Variants in SF3B3 observed in about 807,000 individuals in gnomAD.
SF3B3 encodes SAP 130.
Under a neutral mutation model 139.2 loss-of-function variants are expected in SF3B3, and 33 were observed. That is an observed-to-expected ratio of 0.24 (90% CI 0.18 to 0.32). SF3B3 has a LOEUF of 0.32. Among genes scored for constraint, SF3B3 ranks in the 10% least tolerant of loss-of-function variants. SF3B3 has a pLI of 1.00. For missense variants in SF3B3, 818 were observed against 1,509.4 expected (o/e 0.54, Z 7.59); for synonymous variants, 596 against 563.6 (o/e 1.06, Z -0.81).
rs752482167 is a variant in SF3B3, at chr16:70,573,488, G to A, written c.*1675G>A. On this transcript the variant is annotated 3_prime_UTR_variant, in exon 26 of 26. Transcript: ENST00000302516. ...TATGGAATCAGGAGTTGTCACCACCGAGCTTCCTCTGGAAGTCTGCCCATC... is the reference window on the plus strand; with the variant it reads ...TATGGAATCAGGAGTTGTCACCACCAAGCTTCCTCTGGAAGTCTGCCCATC... The A allele has an allele frequency of 1.3e-5, 2 of 152,328 alleles. No individual in the cohort carries two copies. The highest frequency in any genetic ancestry group is 2.1e-4 in the South Asian group (1 of 4,820). The allele number at this position is 152,328 out of a possible 1,614,324, so 9.4% of individuals were successfully genotyped here.
intron 1 of SF3B3, among the ~76,000 whole-genome samples, chr16:70,525,344 T>C (rs1344583122): frequency 6.6e-6 from 1 of 152,184 alleles, no homozygotes; most frequent in East Asian, 1.9e-4. Context: ...ATATAGTTTT[T>C]CTAGTACTGG....
intron 10 of SF3B3, among the ~76,000 whole-genome samples, chr16:70,545,424 T>A (rs1286375711): frequency 6.6e-6 from 1 of 152,172 alleles, no homozygotes; most frequent in Non-Finnish European, 1.5e-5. Context: ...AGATCATAAT[T>A]TATTTAGTGA....
intron 9 of SF3B3, among the ~76,000 whole-genome samples, chr16:70,543,364 C>T (rs1395214837): frequency 1.3e-5 from 2 of 148,838 alleles, no homozygotes; most frequent in African/African-American, 5.0e-5. Flanking sequence ...GAGCTGAGAT[C>T]ACACCATTGT....
intron 20 of SF3B3, 87 bp downstream of exon 20, chr16:70,565,611 G>A: frequency 1.6e-6 from 2 of 1,230,328 alleles, no homozygotes; most frequent in Non-Finnish European, 2.3e-6. Context: ...GTCTTTTGGG[G>A]ACCAGCTCCT....
chr16:70,565,708 G>A, intron 20 of SF3B3, 184 bp downstream of exon 20: 2 of 597,152 alleles, frequency 3.3e-6, no homozygotes, highest in Non-Finnish European at 5.9e-6. Flanking sequence ...CATTCCACAG[G>A]AAGGCTTTGT....
Position 70,546,602 on chromosome 16 carries a change from G to T in SF3B3, c.1330-1768G>T, listed in dbSNP as rs191854294. ...GGAGGTAGAGGTTGCAGTGAGCCGA[G>T]ATCACGCCACTGTACTCCAGCTTGG... On this transcript the variant is annotated intron_variant, in intron 10 of 25. Coordinates refer to ENST00000302516, the MANE Select transcript of SF3B3 (RefSeq NM_012426.5). Among the ~76,000 whole-genome samples the T allele has an allele frequency of 2.2e-3, 329 of 152,200 alleles. 9 individuals carry two copies. Among genetic ancestry groups the T allele is most frequent in the Admixed American group, 0.021 (314 of 15,278 alleles).
chr16:70,567,250 G>A (rs1413644788), intron 20 of SF3B3, among the ~76,000 whole-genome samples, 161 bp from the exon 21 acceptor site: 1 of 152,168 alleles, frequency 6.6e-6, no homozygotes, highest in African/African-American at 2.4e-5. Flanking sequence ...GCAGCATGCG[G>A]AACTTGTTCA....
At chr16:70,530,470 C>T (rs1022782331) in intron 3 of SF3B3, among the ~76,000 whole-genome samples, 1 of 152,010 alleles carries the variant, frequency 6.6e-6, no homozygotes, top group African/African-American at 2.4e-5. Flanking sequence ...GAGGCATGCA[C>T]CACCACACCT....
chr16:70,531,276 A>C lies in SF3B3; in HGVS notation c.570+359A>C, dbSNP rs200712730. On this transcript the variant is annotated intron_variant, in intron 4 of 25. Transcript: ENST00000302516. ...GAGTGAGACTCCATCTCAAAAAAAA[A>C]CGAAAAGATCGTTTTCTTCCTTGTG... Among the ~76,000 whole-genome samples, 37 of 152,198 alleles carry C rather than the reference A, an allele frequency of 2.4e-4. No individual in the cohort carries two copies. In the East Asian group the frequency reaches 4.1e-3, roughly 17 times the overall value.
Position 70,548,435 on chromosome 16 carries a change from C to T in SF3B3, c.1395C>T (p.His465=), listed in dbSNP as rs1263581306. The change falls in exon 11 of 26, where the codon CAC becomes CAT. Residue 465 remains histidine (H), a synonymous_variant. Transcript: ENST00000302516. ...ACGCTGTCTGGACAGTGCGTCGACACATTGAAGGTAAGCAGCTTTTTCCCA... is the reference window on the plus strand; with the variant it reads ...ACGCTGTCTGGACAGTGCGTCGACATATTGAAGGTAAGCAGCTTTTTCCCA... The part of the protein sequence containing the change: ...NPNAVWTVRR[H]IEDEFDAYII... 1 of 1,613,562 alleles carries T rather than the reference C, an allele frequency of 6.2e-7. No homozygotes were observed. The highest frequency in any genetic ancestry group is 2.2e-5 in the East Asian group (1 of 44,896).
intron 16 of SF3B3, among the ~76,000 whole-genome samples, chr16:70,561,027 G>GTT (rs869157742): frequency 3.4e-5 from 5 of 148,836 alleles, no homozygotes; most frequent in African/African-American, 9.9e-5. Flanking sequence ...GTTTTTTGTT[G>GTT]TTTTTTTTTT....
rs752322530 is a variant in SF3B3 at position 70,561,620 on chromosome 16, T to C, written c.2134-10T>C. On this transcript the variant is annotated splice_polypyrimidine_tract_variant and intron_variant, in intron 16 of 25. Coordinates refer to ENST00000302516, the MANE Select transcript of SF3B3 (RefSeq NM_012426.5). ...ACCTTATTGGAGCTGGGTTTTTTTT[T>C]TCCCCTCAGGTATTGGCCATGTCAA... 3.1e-6 allele frequency: 5 copies of C among 1,608,108 alleles called. No homozygotes were observed. The African/African-American group carries it at 6.7e-5, about 22-fold the overall frequency.
intron 20 of SF3B3, among the ~76,000 whole-genome samples, chr16:70,567,042 A>G (rs1399596458): frequency 1.4e-5 from 2 of 145,984 alleles, no homozygotes; most frequent in Non-Finnish European, 3.0e-5. Flanking sequence ...CAGTAGTGAG[A>G]CCCTGTCTCA....
chr16:70,555,015 T>C (rs901238216), intron 12 of SF3B3, 36 bp from the exon 13 acceptor site: 11 of 1,600,516 alleles, frequency 6.9e-6, no homozygotes, highest in Admixed American at 3.4e-5. Context: ...TGAATCAAAT[T>C]GTTAAAGTCA....
At chr16:70,556,041 T>C in intron 13 of SF3B3, 138 bp from the exon 14 acceptor site, 1 of 777,022 alleles carries the variant, frequency 1.3e-6, no homozygotes, top group Non-Finnish European at 2.1e-6. Context: ...TCATTTACTA[T>C]AGTAAGAGGA....
intron 23 of SF3B3, 104 bp from the exon 24 acceptor site, chr16:70,569,902 G>A (rs2050512150): frequency 7.7e-7 from 1 of 1,299,638 alleles, no homozygotes; most frequent in Non-Finnish European, 1.1e-6. Context: ...ATTTTTGGAT[G>A]TTAATAGATG....
In SF3B3 at chr16:70,572,889, G is replaced by T. The variant is rs1419677618; in HGVS notation, c.*1076G>T. The T allele has an allele frequency of 1.3e-5, 2 of 152,330 alleles. No individual in the cohort carries two copies. Among genetic ancestry groups the T allele is most frequent in the African/African-American group, 2.4e-5 (1 of 41,572 alleles). The allele number at this position is 152,330 out of a possible 1,614,324, so 9.4% of individuals were successfully genotyped here. The stretch of plus-strand genomic sequence containing the variant: ...TTCCTCCTGTTTAGTTGTGTGGGAA[G>T]CCCTCGTCTTCCAGGCTGTCCTTGC... On this transcript the variant is annotated 3_prime_UTR_variant, in exon 26 of 26. Transcript: ENST00000302516.
Position 70,576,673 on chromosome 16 carries a change from A to G in SF3B3, c.*4860A>G, listed in dbSNP as rs768541586. ...GGGAGTCGATGATGTAACTGGAGAA[A>G]GGCAATGCTGCCCTCATAAAGCAAT... On this transcript the variant is annotated 3_prime_UTR_variant, in exon 26 of 26. Transcript: ENST00000302516. 6.6e-6 allele frequency: 1 copy of G among 152,214 alleles called. No homozygotes were observed. The highest frequency in any genetic ancestry group is 1.5e-5 in the Non-Finnish European group (1 of 68,058). 9.4% of individuals were successfully genotyped at this position (152,214 alleles called of 1,614,324 possible). A position where few individuals can be genotyped will look rare whatever the true frequency, so the allele number is the denominator to read the frequency against.
intron 6 of SF3B3, among the ~76,000 whole-genome samples, chr16:70,536,168 T>C (rs187977908): frequency 2.7e-5 from 4 of 150,648 alleles, no homozygotes; most frequent in African/African-American, 5.0e-5. Context: ...CCCTCTCACC[T>C]TTTTTTCTTT....
Sources: gnomAD v4.1 joint callset for allele counts (sites outside exome capture counted in the v4.1 genomes callset) on GRCh38, gnomAD v4.1.1 for gene constraint, MANE v1.5 for transcripts, NCBI Gene and HGNC (gene_info 2026-07-23, HGNC 2026-07-21) for gene names.